USP49: variants seen among roughly 807,000 people sequenced by gnomAD.
USP49 encodes ubiquitin carboxyl-terminal hydrolase 49.
A neutral mutation model predicts 58.6 loss-of-function variants in USP49; 24 were observed. That is an observed-to-expected ratio of 0.41 (90% confidence interval 0.30 to 0.58). The LOEUF (loss-of-function observed/expected upper bound fraction) is 0.58. Among genes scored for constraint, USP49 ranks in the 20% least tolerant of loss-of-function variants. The pLI is 0.30. For missense variants in USP49, 703 were observed against 866.1 expected, an observed-to-expected ratio of 0.81 and a Z score of 2.36; for synonymous variants, 408 against 365.1, an observed-to-expected ratio of 1.12 and a Z score of -1.34.
In USP49 at chr6:41,806,774, C is replaced by G; in HGVS notation, c.210G>C (p.Arg70=). The G allele has an allele frequency of 1.2e-6, 2 of 1,614,216 alleles. No individual in the cohort carries two copies. Among genetic ancestry groups the G allele is most frequent in the Non-Finnish European group, 1.7e-6 (2 of 1,180,018 alleles). ...ETGHPLAMEV[R]DLYVFCYLCK... is the part of the protein sequence containing the mutation. ...ACAGGTAACAGAACACGTAGAGATC[C>G]CGGACTTCCATGGCTAGCGGGTGTC... is the stretch of plus-strand genomic sequence containing the variant. The change falls in exon 4 of 8, where the codon CGG becomes CGC. Residue 70 remains arginine (R), a synonymous_variant. Transcript: ENST00000682992. The surrounding 1 kb of genome is among the most constrained non-coding windows in gnomAD (Gnocchi z 5.9).
intron 3 of USP49, among the ~76,000 whole-genome samples, chr6:41,828,580 T>TAATCATTTAAAAATCATTTAAAA (rs1773582564): frequency 6.6e-6 from 1 of 152,218 alleles, no homozygotes; most frequent in Admixed American, 6.5e-5. Flanking sequence ...TGTTTTATAT[T>TAATCATTTAAAAATCATTTAAAA]TTTCATATTA....
In USP49 at chr6:41,806,062, T is replaced by C. The variant is rs1354495921; in HGVS notation, c.922A>G (p.Thr308Ala). Reference sequence around the variant, plus strand: ...GACAGCTCCGTGGCCGAGCTGTTGGTTGGCTTGCCAGAAAGCTGAGTCTTC... The same window carrying C: ...GACAGCTCCGTGGCCGAGCTGTTGGCTGGCTTGCCAGAAAGCTGAGTCTTC... ...NGKTQLSGKP[T>A]NSSATELSLR... The change falls in exon 4 of 8, where the codon ACC (threonine) becomes GCC (alanine). Residue 308 changes from threonine to alanine, a missense_variant. Transcript: ENST00000682992. This position sits in a 1 kb window ranked among gnomAD's most constrained non-coding sequence, Gnocchi z 5.9. 3.1e-6 allele frequency: 5 copies of C among 1,613,948 alleles called. No individual in the cohort carries two copies. In the Admixed American group the frequency reaches 5.0e-5, roughly 16 times the overall value.
rs115465960 is a variant in USP49 at position 41,846,706 on chromosome 6, T to C, written c.-29+24858A>G. Among the ~76,000 whole-genome samples the C allele has an allele frequency of 5.2e-3, 795 of 152,264 alleles. 7 individuals are homozygous for C. The highest frequency in any genetic ancestry group is 0.017 in the African/African-American group (717 of 41,552). Reference sequence around the variant, plus strand: ...CAGCAAAAGGGTTAGGAAATTTCAGTGTTTGGCATGTCCTTTCATGTCCTT... The same window carrying C: ...CAGCAAAAGGGTTAGGAAATTTCAGCGTTTGGCATGTCCTTTCATGTCCTT... On this transcript the variant is annotated intron_variant, in intron 3 of 7. Coordinates refer to ENST00000682992, the MANE Select transcript of USP49 (RefSeq NM_001286554.2).
chr6:41,854,083 G>A (rs1774083221), intron 3 of USP49, among the ~76,000 whole-genome samples: 1 of 150,564 alleles, frequency 6.6e-6, no homozygotes, highest in South Asian at 2.1e-4. Context: ...TTGGGAGGCT[G>A]AGGCAGGTGG....
At position 41,803,310 on chromosome 6, in the gene USP49, T is replaced by C. The variant is rs1405010506; in HGVS notation, c.1561+496A>G. On this transcript the variant is annotated intron_variant, in intron 5 of 7. Transcript: ENST00000682992. The surrounding 1 kb of genome is among the most constrained non-coding windows in gnomAD (Gnocchi z 4.1). ...GTCTTTGTTTCATTTGTTGTTGTTGTTGTTGTTGTTTGAAACGGAGTCTTG... is the reference window on the plus strand; with the variant it reads ...GTCTTTGTTTCATTTGTTGTTGTTGCTGTTGTTGTTTGAAACGGAGTCTTG... Among the ~76,000 whole-genome samples, 1 of 152,190 alleles carries C rather than the reference T, an allele frequency of 6.6e-6. No homozygotes were observed. Among genetic ancestry groups the C allele is most frequent in the Non-Finnish European group, 1.5e-5 (1 of 68,028 alleles).
At position 41,806,396 on chromosome 6, in the gene USP49, C is replaced by T. The variant is rs1773129682; in HGVS notation, c.588G>A (p.Leu196=). ...RRRRREVKRR[L]LEELASTPPR... Reference sequence around the variant, plus strand: ...GAGGGGTGCTGGCCAGCTCCTCCAGCAGCCGCCGTTTCACCTCGCGCCGCC... The same window carrying T: ...GAGGGGTGCTGGCCAGCTCCTCCAGTAGCCGCCGTTTCACCTCGCGCCGCC... The change falls in exon 4 of 8, where the codon CTG becomes CTA. Residue 196 remains leucine (L), a synonymous_variant. Transcript: ENST00000682992. This position sits in a 1 kb window ranked among gnomAD's most constrained non-coding sequence, Gnocchi z 5.9. The T allele has an allele frequency of 2.6e-6, 4 of 1,556,380 alleles. No individual in the cohort carries two copies. Among genetic ancestry groups the T allele is most frequent in the Non-Finnish European group, 3.4e-6 (4 of 1,160,298 alleles).
chr6:41,880,446 G>A (rs746130891), intron 2 of USP49, among the ~76,000 whole-genome samples: 15 of 152,046 alleles, frequency 9.9e-5, no homozygotes, highest in African/African-American at 3.4e-4. Context: ...CCCTCCAAGC[G>A]TCCAGCATAA....
Position 41,803,668 on chromosome 6 carries a change from A to T in USP49, c.1561+138T>A. The stretch of plus-strand genomic sequence containing the variant: ...TTTTTTGTTTTTAGAAAAATGGGAG[A>T]AAAAGATCTTTAAAAGATGCTTTAG... On this transcript the variant is annotated intron_variant, in intron 5 of 7. Coordinates refer to ENST00000682992, the MANE Select transcript of USP49 (RefSeq NM_001286554.2). The surrounding 1 kb of genome is among the most constrained non-coding windows in gnomAD (Gnocchi z 4.1). 1.0e-6 allele frequency: 1 copy of T among 993,974 alleles called. No individual in the cohort carries two copies. The highest frequency in any genetic ancestry group is 1.5e-6 in the Non-Finnish European group (1 of 676,596). The allele number at this position is 993,974 out of a possible 1,614,324, so 61.6% of individuals were successfully genotyped here.
intron 7 of USP49, among the ~76,000 whole-genome samples, chr6:41,797,030 A>G (rs1772898988): frequency 6.7e-6 from 1 of 148,614 alleles, no homozygotes; most frequent in Admixed American, 6.8e-5. Flanking sequence ...GCTCACTGCA[A>G]GCTCCACCTC....
intron 1 of USP49, among the ~76,000 whole-genome samples, chr6:41,893,055 T>C (rs997829339): frequency 4.6e-5 from 7 of 152,220 alleles, no homozygotes; most frequent in African/African-American, 1.7e-4. Context: ...TCTGGCCTTC[T>C]TTATTCATAA....
intron 3 of USP49, among the ~76,000 whole-genome samples, chr6:41,843,983 G>A (rs1455909300): frequency 6.6e-6 from 1 of 152,120 alleles, no homozygotes; most frequent in Non-Finnish European, 1.5e-5. Context: ...GGTGGAGGTG[G>A]CAGTGAGCCA....
chr6:41,874,986 A>G lies in USP49; in HGVS notation c.-102-3349T>C, dbSNP rs1016930582. ...AAAAAAAGAAAGAGAGAGAGAGAGA[A>G]AGAAAGAAAGAGAGAGAGAGAAAGA... is the stretch of plus-strand genomic sequence containing the variant. On this transcript the variant is annotated intron_variant, in intron 2 of 7. Transcript: ENST00000682992. 4.0e-5 allele frequency among the ~76,000 whole-genome samples: 6 copies of G among 151,874 alleles called. No homozygotes were observed. In the East Asian group the frequency reaches 7.7e-4, roughly 20 times the overall value.
chr6:41,886,857 C>T, intron 2 of USP49, among the ~76,000 whole-genome samples: 1 of 152,220 alleles, frequency 6.6e-6, no homozygotes, highest in East Asian at 1.9e-4. Flanking sequence ...CAAGATCGCA[C>T]CACTGCACTC....
chr6:41,811,012 G>A (rs1414780922), intron 3 of USP49, among the ~76,000 whole-genome samples: 4 of 152,118 alleles, frequency 2.6e-5, no homozygotes, highest in South Asian at 2.1e-4. Context: ...TCCAGATGCC[G>A]TTTTTGGCCT....
chr6:41,876,740 C>G (rs1774510643), intron 2 of USP49, among the ~76,000 whole-genome samples: 1 of 152,116 alleles, frequency 6.6e-6, no homozygotes, highest in African/African-American at 2.4e-5. Context: ...GCCCAAATGC[C>G]TTGGAAGATA....
Position 41,806,687 on chromosome 6 carries a change from G to C in USP49, c.297C>G (p.Leu99=), listed in dbSNP as rs1447167102. The C allele has an allele frequency of 2.5e-6, 4 of 1,614,112 alleles. No homozygotes were observed. Among genetic ancestry groups the C allele is most frequent in the Non-Finnish European group, 3.4e-6 (4 of 1,180,052 alleles). ...EGDLKLLRSS[L]LAVRGQKQDT... is the part of the protein sequence containing the mutation. The stretch of plus-strand genomic sequence containing the variant: ...CCTGTTTCTGGCCCCGGACCGCCAG[G>C]AGGGAGCTTCTTAGCAGCTTCAGGT... The change falls in exon 4 of 8, where the codon CTC becomes CTG. Residue 99 remains leucine (L), a synonymous_variant. Transcript: ENST00000682992. The surrounding 1 kb of genome is among the most constrained non-coding windows in gnomAD (Gnocchi z 5.9).
In USP49 at chr6:41,806,008, CG is replaced by C; in HGVS notation, c.975del (p.Cys325TrpfsTer51). ...CCGTTCCAGCAGAAGCCCTCCCGCT[CG>C]CATGCCTCGGCCCTGTCATTTCTCA... is the stretch of plus-strand genomic sequence containing the variant. ...LSLRNDRAEA[C>X]EREGFCWNGR... On this transcript the variant is annotated frameshift_variant, in exon 4 of 8. Coordinates refer to ENST00000682992, the MANE Select transcript of USP49 (RefSeq NM_001286554.2). LOFTEE classifies it high-confidence loss of function. This position sits in a 1 kb window ranked among gnomAD's most constrained non-coding sequence, Gnocchi z 5.9. The C allele has an allele frequency of 6.2e-7, 1 of 1,613,960 alleles. No homozygotes were observed. The highest frequency in any genetic ancestry group is 1.7e-5 in the Admixed American group (1 of 60,030).
chr6:41,824,530 G>C (rs1368505667), intron 3 of USP49, among the ~76,000 whole-genome samples: 3 of 151,988 alleles, frequency 2.0e-5, no homozygotes, highest in Non-Finnish European at 4.4e-5. Context: ...GACCAACATG[G>C]AGAAACCCCG....
At position 41,807,001 on chromosome 6, in the gene USP49, A is replaced by G; in HGVS notation, c.-18T>C. ...CTATCCATGTCTTATAGAAGTCGCCACTTTCTCAACCTGGCACGACAGAGT... is the reference window on the plus strand; with the variant it reads ...CTATCCATGTCTTATAGAAGTCGCCGCTTTCTCAACCTGGCACGACAGAGT... On this transcript the variant is annotated 5_prime_UTR_variant, in exon 4 of 8. Transcript: ENST00000682992. 6.9e-7 allele frequency: 1 copy of G among 1,450,592 alleles called. No individual in the cohort carries two copies. The highest frequency in any genetic ancestry group is 9.2e-7 in the Non-Finnish European group (1 of 1,089,064). 89.9% of individuals were successfully genotyped at this position (1,450,592 alleles called of 1,614,324 possible). A position where few individuals can be genotyped will look rare whatever the true frequency, so the allele number is the denominator to read the frequency against.
Sources: allele counts gnomAD v4.1 joint callset (sites outside exome capture counted in the v4.1 genomes callset), GRCh38; gene constraint gnomAD v4.1.1; non-coding constraint Gnocchi (gnomAD v3.1); transcripts MANE v1.5; gene names NCBI Gene and HGNC (gene_info 2026-07-23, HGNC 2026-07-21).